The following CNTNAP5 variants were observed in gnomAD, a reference collection of about 807,000 sequenced individuals.
CNTNAP5 encodes the protein contactin associated protein family member 5, also known as contactin-associated protein-like 5.
CNTNAP5 carries 72 observed loss-of-function variants against 150.2 expected under a neutral mutation model. That is an observed-to-expected ratio of 0.48 (90% CI 0.40 to 0.58). CNTNAP5 has a LOEUF of 0.58. Among genes scored for constraint, CNTNAP5 ranks in the 20% least tolerant of loss-of-function variants. The pLI is 0.00. For synonymous variants in CNTNAP5, 672 were observed against 619.8 expected (o/e 1.08, Z -1.25); for missense variants, 1,636 against 1,626.2 (o/e 1.01, Z -0.10).
chr2:124,127,892 C>G (rs1020771317), intron 1 of CNTNAP5, among the ~76,000 whole-genome samples: 25 of 152,218 alleles, frequency 1.6e-4, no homozygotes, highest in African/African-American at 5.5e-4. Flanking sequence ...TTCCTTACAC[C>G]TTATACAAAA....
At chr2:124,277,922 T>G (rs1008569755) in intron 3 of CNTNAP5, among the ~76,000 whole-genome samples, 2 of 152,178 alleles carry the variant, frequency 1.3e-5, no homozygotes, top group African/African-American at 4.8e-5. Context: ...GGTCATTCCA[T>G]AACTGCCCTT....
At chr2:124,248,044 G>T (rs1446488571) in intron 3 of CNTNAP5, among the ~76,000 whole-genome samples, 1 of 152,126 alleles carries the variant, frequency 6.6e-6, no homozygotes, top group Non-Finnish European at 1.5e-5. Flanking sequence ...CCAGAATCTT[G>T]CTGCTGATTT....
At chr2:124,652,798 G>A (rs956882100) in intron 13 of CNTNAP5, among the ~76,000 whole-genome samples, 11 of 152,130 alleles carry the variant, frequency 7.2e-5, no homozygotes, top group African/African-American at 2.2e-4. Flanking sequence ...GTCAGTATCC[G>A]GTGTAGGCAT....
intron 2 of CNTNAP5, among the ~76,000 whole-genome samples, chr2:124,241,290 A>T (rs988384044): frequency 1.3e-5 from 2 of 152,180 alleles, no homozygotes; most frequent in Non-Finnish European, 2.9e-5. Context: ...CAGTTTTTGT[A>T]TGTGTGTCAG....
intron 1 of CNTNAP5, among the ~76,000 whole-genome samples, chr2:124,097,958 G>C (rs1263418215): frequency 1.3e-5 from 2 of 152,180 alleles, no homozygotes; most frequent in Non-Finnish European, 2.9e-5. Flanking sequence ...AACCCGGGAG[G>C]CGGAGCTTGC....
At chr2:124,090,012 A>G (rs542176080) in intron 1 of CNTNAP5, among the ~76,000 whole-genome samples, 5 of 152,358 alleles carry the variant, frequency 3.3e-5, no homozygotes, top group African/African-American at 1.2e-4. Context: ...AAAGCACTGA[A>G]TCTTTCCATC....
intron 4 of CNTNAP5, among the ~76,000 whole-genome samples, chr2:124,426,620 G>A (rs567680477): frequency 3.5e-4 from 53 of 152,310 alleles, no homozygotes; most frequent in African/African-American, 1.3e-3. Context: ...TTTCTGGCCC[G>A]TGAGGAAGCT....
chr2:124,745,507 T>A (rs966358133), intron 13 of CNTNAP5, among the ~76,000 whole-genome samples: 4 of 152,156 alleles, frequency 2.6e-5, no homozygotes, highest in Non-Finnish European at 5.9e-5. Context: ...ATGCTCCAAA[T>A]AAGCCTGCCA....
chr2:124,032,675 T>C (rs1681088919), intron 1 of CNTNAP5, among the ~76,000 whole-genome samples: 1 of 152,166 alleles, frequency 6.6e-6, no homozygotes, highest in African/African-American at 2.4e-5. Context: ...GCATAATGTA[T>C]AGAATACATT....
At chr2:124,903,738 A>G (rs941142615) in intron 22 of CNTNAP5, among the ~76,000 whole-genome samples, 3 of 152,136 alleles carry the variant, frequency 2.0e-5, no homozygotes, top group Admixed American at 6.5e-5. Context: ...AATAACTGTA[A>G]TCATCATGCT....
intron 10 of CNTNAP5, among the ~76,000 whole-genome samples, chr2:124,551,516 G>A (rs10185849): frequency 0.43 from 64,768 of 152,060 alleles, 14,212 homozygotes; most frequent in East Asian, 0.62. Flanking sequence ...ACAAAGGAAC[G>A]CAACCTAGCT....
chr2:124,255,829 C>A (rs1025330351), intron 3 of CNTNAP5, among the ~76,000 whole-genome samples: 13 of 152,068 alleles, frequency 8.5e-5, no homozygotes, highest in Non-Finnish European at 1.9e-4. Flanking sequence ...GCTTCCAAGG[C>A]TGTATCTTAT....
intron 3 of CNTNAP5, among the ~76,000 whole-genome samples, chr2:124,286,281 T>C (rs1204469065): frequency 1.3e-5 from 2 of 152,196 alleles, no homozygotes; most frequent in African/African-American, 4.8e-5. Flanking sequence ...TGCTGACTCA[T>C]GCCTTCTCGG....
At chr2:124,256,123 G>A (rs1687308112) in intron 3 of CNTNAP5, among the ~76,000 whole-genome samples, 1 of 152,056 alleles carries the variant, frequency 6.6e-6, no homozygotes, top group Non-Finnish European at 1.5e-5. Flanking sequence ...GGAAAATATG[G>A]TACATTGCTT....
rs1306242854 is a variant in CNTNAP5 at position 124,915,799 on chromosome 2, T to G, written c.*1511T>G. Among the ~76,000 whole-genome samples the G allele has an allele frequency of 1.3e-5, 2 of 152,054 alleles. No individual in the cohort carries two copies. Among genetic ancestry groups the G allele is most frequent in the African/African-American group, 4.8e-5 (2 of 41,436 alleles). On this transcript the variant is annotated 3_prime_UTR_variant, in exon 24 of 24. Transcript: ENST00000682447. ...GATCTTAATGATTTTTCTGTGGCAA[T>G]ATGCATCATTCTTTGTCCTGGGCCA...
chr2:124,633,147 T>C lies in CNTNAP5; in HGVS notation c.1877-14611T>C, dbSNP rs190610638. Among the ~76,000 whole-genome samples, 163 of 152,266 alleles carry C rather than the reference T, an allele frequency of 1.1e-3. 1 individual carries two copies. The highest frequency in any genetic ancestry group is 8.3e-3 in the Admixed American group (127 of 15,292). On this transcript the variant is annotated intron_variant, in intron 12 of 23. Transcript: ENST00000682447. ...CTCCAAATCTCATGTCCTTCTCATA[T>C]TTCAAAATACAATCATGCCTACCCA...
At chr2:124,634,003 C>T (rs780641469) in intron 12 of CNTNAP5, among the ~76,000 whole-genome samples, 1 of 152,164 alleles carries the variant, frequency 6.6e-6, no homozygotes, top group Non-Finnish European at 1.5e-5. Flanking sequence ...ACCATTCTGT[C>T]CTCCCAGGCC....
chr2:124,267,689 A>G (rs1573878944), intron 3 of CNTNAP5, among the ~76,000 whole-genome samples: 1 of 152,218 alleles, frequency 6.6e-6, no homozygotes, highest in African/African-American at 2.4e-5. Flanking sequence ...TTTATACAGC[A>G]TAAGCATCTG....
At chr2:124,301,996 G>T (rs1688576501) in intron 3 of CNTNAP5, among the ~76,000 whole-genome samples, 1 of 152,146 alleles carries the variant, frequency 6.6e-6, no homozygotes, top group Non-Finnish European at 1.5e-5. Flanking sequence ...AATCCAATAG[G>T]ACTGATGTCT....
Sources: allele counts gnomAD v4.1 joint callset (sites outside exome capture counted in the v4.1 genomes callset), GRCh38; gene constraint gnomAD v4.1.1; transcripts MANE v1.5; gene names NCBI Gene and HGNC (gene_info 2026-07-23, HGNC 2026-07-21).